The following CFAP299 variants were observed in gnomAD, a reference collection of about 807,000 sequenced individuals.
CFAP299 encodes the protein cilia and flagella associated protein 299, also known as cilia- and flagella-associated protein 299.
In CFAP299, 21 loss-of-function variants were observed where a neutral mutation model predicts 27.0. The observed-to-expected ratio is 0.78, with a 90% CI of 0.55 to 1.12. CFAP299 has a LOEUF of 1.12. Ranked by LOEUF, CFAP299 falls within the 50% of genes most tolerant of loss-of-function variation. The probability of loss-of-function intolerance (pLI) is 0.00; values close to 1 mark genes in which losing one functional copy is unlikely to be tolerated. For synonymous variants in CFAP299, 104 were observed against 98.1 expected (o/e 1.06, Z -0.36); for missense variants, 310 against 276.6 (o/e 1.12, Z -0.86).
intron 2 of CFAP299, among the ~76,000 whole-genome samples, chr4:80,472,445 C>T (rs2110117384): frequency 6.6e-6 from 1 of 152,230 alleles, no homozygotes; most frequent in Admixed American, 6.5e-5. Flanking sequence ...CCGTCAGAAC[C>T]CAACGGATGA....
chr4:80,604,901 A>AAAAC (rs1737571727), intron 3 of CFAP299, among the ~76,000 whole-genome samples: 1 of 151,764 alleles, frequency 6.6e-6, no homozygotes, highest in East Asian at 1.9e-4. Context: ...AGAAAAAAAA[A>AAAAC]AAACATGTAA....
chr4:80,647,954 G>A (rs930796433), intron 3 of CFAP299, among the ~76,000 whole-genome samples: 4 of 152,154 alleles, frequency 2.6e-5, no homozygotes, highest in African/African-American at 4.8e-5. Flanking sequence ...CTACCTGGGA[G>A]GCTGAGGCAA....
chr4:80,891,837 A>AG (rs1241845513), intron 4 of CFAP299, among the ~76,000 whole-genome samples: 1 of 145,852 alleles, frequency 6.9e-6, no homozygotes, highest in Non-Finnish European at 1.5e-5. Flanking sequence ...AAGGAAAAAA[A>AG]AAAAAAAAAA....
chr4:80,601,547 T>C (rs1228327161), intron 3 of CFAP299, among the ~76,000 whole-genome samples: 1 of 152,202 alleles, frequency 6.6e-6, no homozygotes, highest in Non-Finnish European at 1.5e-5. Context: ...GATAAATCTA[T>C]ACTGGAATGA....
At chr4:80,566,959 G>A (rs1182510283) in intron 2 of CFAP299, among the ~76,000 whole-genome samples, 2 of 151,924 alleles carry the variant, frequency 1.3e-5, no homozygotes, top group African/African-American at 4.8e-5. Flanking sequence ...GTACAAAAAT[G>A]AGGAGTTCAG....
At chr4:80,431,061 G>A (rs1173827081) in intron 2 of CFAP299, among the ~76,000 whole-genome samples, 3 of 152,132 alleles carry the variant, frequency 2.0e-5, no homozygotes, top group Non-Finnish European at 4.4e-5. Flanking sequence ...CTTCACAGCA[G>A]CTGTCTCTTC....
At chr4:80,561,843 A>C (rs1735049221) in intron 2 of CFAP299, among the ~76,000 whole-genome samples, 1 of 152,208 alleles carries the variant, frequency 6.6e-6, no homozygotes, top group Non-Finnish European at 1.5e-5. Flanking sequence ...GGCAAATCAC[A>C]GAAAAACACA....
chr4:80,616,648 C>T (rs1738301645), intron 3 of CFAP299, among the ~76,000 whole-genome samples: 1 of 151,826 alleles, frequency 6.6e-6, no homozygotes, highest in South Asian at 2.1e-4. Context: ...CCTGGGGGGC[C>T]CTAAGCATGT....
chr4:80,425,927 A>G (rs1727508811), intron 2 of CFAP299, among the ~76,000 whole-genome samples: 1 of 152,182 alleles, frequency 6.6e-6, no homozygotes, highest in Non-Finnish European at 1.5e-5. Flanking sequence ...ATGAAAGCCC[A>G]TCTCACCAGA....
At chr4:80,659,314 T>C (rs1158679096) in intron 3 of CFAP299, among the ~76,000 whole-genome samples, 1 of 151,874 alleles carries the variant, frequency 6.6e-6, no homozygotes, top group Non-Finnish European at 1.5e-5. Context: ...CTGTCAGAAA[T>C]TCTGATTTCT....
At chr4:80,692,899 C>T (rs1000876165) in intron 3 of CFAP299, among the ~76,000 whole-genome samples, 1 of 151,822 alleles carries the variant, frequency 6.6e-6, no homozygotes, top group Non-Finnish European at 1.5e-5. Context: ...CATGAACAGA[C>T]GCTTCTCAAA....
chr4:80,472,449 C>T (rs142796812), intron 2 of CFAP299, among the ~76,000 whole-genome samples: 141 of 152,270 alleles, frequency 9.3e-4, no homozygotes, highest in African/African-American at 3.2e-3. Flanking sequence ...CAGAACCCAA[C>T]GGATGAAAGA....
At chr4:80,367,641 G>C (rs1338149937) in intron 2 of CFAP299, among the ~76,000 whole-genome samples, 1 of 148,606 alleles carries the variant, frequency 6.7e-6, no homozygotes, top group African/African-American at 2.5e-5. Context: ...CTCGTCCTTT[G>C]CTTCAAAATC....
At chr4:80,634,363 C>T (rs771153125) in intron 3 of CFAP299, among the ~76,000 whole-genome samples, 3 of 152,088 alleles carry the variant, frequency 2.0e-5, no homozygotes, top group Non-Finnish European at 4.4e-5. Context: ...AAATCAATTC[C>T]GTTGCCAACT....
In CFAP299 at chr4:80,826,473, A is replaced by G. The variant is rs1049229280; in HGVS notation, c.334-43520A>G. Among the ~76,000 whole-genome samples the G allele has an allele frequency of 5.3e-5, 8 of 151,948 alleles. No homozygotes were observed. In the East Asian group the frequency reaches 1.5e-3, roughly 29 times the overall value. ...AAAAAGGTTATGAGGAACAGGAAGAACATTATTTATTAATAAAAGGTTTAA... is the reference window on the plus strand; with the variant it reads ...AAAAAGGTTATGAGGAACAGGAAGAGCATTATTTATTAATAAAAGGTTTAA... On this transcript the variant is annotated intron_variant, in intron 3 of 5. Coordinates refer to ENST00000358105, the MANE Select transcript of CFAP299 (RefSeq NM_152770.3).
chr4:80,917,052 G>A (rs961747735), intron 4 of CFAP299, among the ~76,000 whole-genome samples: 2 of 152,180 alleles, frequency 1.3e-5, no homozygotes, highest in East Asian at 1.9e-4. Context: ...AAAGTGTGGC[G>A]GCAAACTGGA....
intron 3 of CFAP299, among the ~76,000 whole-genome samples, chr4:80,697,161 T>C (rs1264159241): frequency 6.6e-6 from 1 of 151,924 alleles, no homozygotes; most frequent in African/African-American, 2.4e-5. Context: ...CTGGGAAACA[T>C]AGTGAGACAC....
At chr4:80,839,299 A>T (rs1417774451) in intron 3 of CFAP299, among the ~76,000 whole-genome samples, 2 of 152,146 alleles carry the variant, frequency 1.3e-5, no homozygotes, top group Non-Finnish European at 2.9e-5. Flanking sequence ...TGAGAAAATG[A>T]CAAGTTGTCT....
At chr4:80,370,065 C>T (rs1377287822) in intron 2 of CFAP299, among the ~76,000 whole-genome samples, 2 of 152,124 alleles carry the variant, frequency 1.3e-5, no homozygotes, top group African/African-American at 4.8e-5. Flanking sequence ...GGCATCTGCT[C>T]AGCTTCTGGG....
Sources: allele counts gnomAD v4.1 joint callset (sites outside exome capture counted in the v4.1 genomes callset), GRCh38; gene constraint gnomAD v4.1.1; transcripts MANE v1.5; gene names NCBI Gene and HGNC (gene_info 2026-07-23, HGNC 2026-07-21).